ACACB: variants seen among roughly 807,000 people sequenced by gnomAD.
The protein encoded by ACACB is acetyl-CoA carboxylase 2.
In ACACB, 209 loss-of-function variants were observed where a neutral mutation model predicts 278.8. The observed-to-expected ratio is 0.75, with a 90% confidence interval of 0.67 to 0.84. The LOEUF (loss-of-function observed/expected upper bound fraction) is 0.84. Among genes scored for constraint, ACACB ranks in the 40% least tolerant of loss-of-function variants. ACACB has a pLI of 0.00. For synonymous variants in ACACB, 1,174 were observed against 1,285.6 expected, an observed-to-expected ratio of 0.91 and a Z score of 1.86; for missense variants, 2,850 against 3,269.0, an observed-to-expected ratio of 0.87 and a Z score of 3.13.
Position 109,222,920 on chromosome 12 carries a change from C to G in ACACB, c.3792+8C>G, listed in dbSNP as rs372216302. The G allele has an allele frequency of 2.7e-5, 43 of 1,588,036 alleles. No individual in the cohort carries two copies. The African/African-American group carries it at 5.8e-4, about 21-fold the overall frequency. On this transcript the variant is annotated splice_region_variant and intron_variant, in intron 26 of 52. Transcript: ENST00000338432. ...TGCCCCGAGAACCTCAAGGTGAGCC[C>G]GTCTCCTTCCTTTCACCATCTGCAG...
intron 27 of ACACB, among the ~76,000 whole-genome samples, chr12:109,225,251 C>A (rs1233958829): frequency 6.6e-6 from 1 of 152,152 alleles, no homozygotes; most frequent in African/African-American, 2.4e-5. Context: ...CCTCACCCTC[C>A]CCAGTAGCTT....
Position 109,139,653 on chromosome 12 carries a change from A to G in ACACB, c.248A>G (p.Lys83Arg). The G allele has an allele frequency of 7.4e-6, 12 of 1,614,078 alleles. No individual in the cohort carries two copies. Among genetic ancestry groups the G allele is most frequent in the Non-Finnish European group, 1.0e-5 (12 of 1,179,974 alleles). ...GAGCCAGCCTCCCACAAAGGCCCCA[A>G]AGATGCCGGTCGGCGGAGAAACTCC... ...QAEPASHKGP[K>R]DAGRRRNSLP... The change falls in exon 2 of 53, where the codon AAA becomes AGA. Residue 83 changes from lysine (K) to arginine (R), a missense_variant. This residue lies in a region of ACACB where 2,265 missense variants were observed against 2,561.3 expected (regional missense o/e 0.88). Transcript: ENST00000338432.
intron 45 of ACACB, 89 bp from the exon 46 acceptor site, chr12:109,258,179 C>T (rs1027659054): frequency 1.2e-6 from 1 of 855,062 alleles, no homozygotes; most frequent in East Asian, 2.7e-5. Context: ...GAGCATTCTC[C>T]TCCACGTGCC....
In ACACB at chr12:109,172,628, G is replaced by C. The variant is rs977250500; in HGVS notation, c.1117+272G>C. ...AAAAGCTCAACATCACTGATCATTA[G>C]AGAAAGGCAAGTCAAAACCAGAGTG... On this transcript the variant is annotated intron_variant, in intron 6 of 52. Coordinates refer to ENST00000338432, the MANE Select transcript of ACACB (RefSeq NM_001093.4). 4.5e-4 allele frequency among the ~76,000 whole-genome samples: 68 copies of C among 152,338 alleles called. 1 individual carries two copies. Among genetic ancestry groups the C allele is most frequent in the African/African-American group, 1.6e-3 (68 of 41,574 alleles).
intron 19 of ACACB, among the ~76,000 whole-genome samples, chr12:109,206,231 C>A (rs542731321): frequency 1.4e-4 from 22 of 152,150 alleles, no homozygotes; most frequent in Admixed American, 5.9e-4. Context: ...GTCAAGAGAT[C>A]AAGACCATCC....
At chr12:109,174,040 T>C in intron 6 of ACACB, 92 bp from the exon 7 acceptor site, 2 of 1,051,820 alleles carry the variant, frequency 1.9e-6, no homozygotes, top group Admixed American at 4.5e-5. Context: ...GCTCCTTACC[T>C]GGCCCCACCA....
At chr12:109,188,454 C>A (rs2044750931) in intron 13 of ACACB, among the ~76,000 whole-genome samples, 1 of 145,916 alleles carries the variant, frequency 6.9e-6, no homozygotes, top group Admixed American at 6.9e-5. Flanking sequence ...TTCTTTCCTC[C>A]CTTCCTCCCT....
rs765734649 is a variant in ACACB, at chr12:109,137,659, C to CA, written c.-9-1725dup. 2.9e-3 allele frequency among the ~76,000 whole-genome samples: 337 copies of CA among 117,506 alleles called. 2 individuals carry two copies. The highest frequency in any genetic ancestry group is 4.4e-3 in the Middle Eastern group (1 of 228). The allele number at this position is 117,506 out of a possible 152,430, so 77.1% of individuals were successfully genotyped here. ...TGGGCGACAGGGTCAGATTCTGACT[C>CA]AAAAAAAAAAAAAGGATTTTTAGAT... On this transcript the variant is annotated intron_variant, in intron 1 of 52. Coordinates refer to ENST00000338432, the MANE Select transcript of ACACB (RefSeq NM_001093.4).
chr12:109,174,166 T>C lies in ACACB; in HGVS notation c.1152T>C (p.Asp384=), dbSNP rs775464929. The C allele has an allele frequency of 4.3e-6, 7 of 1,613,162 alleles. No individual in the cohort carries two copies. The East Asian group carries it at 1.6e-4, about 36-fold the overall frequency. ...PPSEAMWALG[D]KIASTVVAQT... ...GTGAGGCCATGTGGGCCTTAGGAGA[T>C]AAGATCGCCTCCACCGTTGTCGCCC... Residue 384 remains aspartate, a synonymous_variant, in exon 7 of 53, where the codon GAT becomes GAC. Transcript: ENST00000338432.
chr12:109,206,651 G>C (rs554641873), intron 19 of ACACB, 59 bp from the exon 20 acceptor site: 10 of 1,602,370 alleles, frequency 6.2e-6, no homozygotes, highest in Non-Finnish European at 8.5e-6. Flanking sequence ...CGTTCTGCCC[G>C]GTCCCATTTG....
intron 28 of ACACB, among the ~76,000 whole-genome samples, chr12:109,231,083 TG>T: frequency 6.6e-6 from 1 of 152,052 alleles, no homozygotes; most frequent in African/African-American, 2.4e-5. Flanking sequence ...TCAACACTTG[TG>T]TGTGTAGAGC....
intron 12 of ACACB, among the ~76,000 whole-genome samples, chr12:109,187,781 G>C (rs995986102): frequency 1.3e-5 from 2 of 151,890 alleles, no homozygotes; most frequent in African/African-American, 4.8e-5. Context: ...TTTTTTTACA[G>C]TTAAAAAAAA....
In ACACB at chr12:109,268,225, A is replaced by G. The variant is rs935103906; in HGVS notation, c.*1863A>G. ...GCAGAATAAACTATTTTTTGAAGGA[A>G]ACACTTTGGCCTTGACTTTATTATC... On this transcript the variant is annotated 3_prime_UTR_variant, in exon 53 of 53. Transcript: ENST00000338432. This position sits in a 1 kb window ranked among gnomAD's most constrained non-coding sequence, Gnocchi z 4.2. 2.0e-5 allele frequency: 3 copies of G among 152,198 alleles called. No homozygotes were observed. Among genetic ancestry groups the G allele is most frequent in the African/African-American group, 7.2e-5 (3 of 41,438 alleles). The allele number at this position is 152,198 out of a possible 1,614,324, so 9.4% of individuals were successfully genotyped here. A position where few individuals can be genotyped will look rare whatever the true frequency, so the allele number is the denominator to read the frequency against.
intron 24 of ACACB, among the ~76,000 whole-genome samples, chr12:109,220,217 T>A (rs754328669): frequency 6.6e-6 from 1 of 152,198 alleles, no homozygotes. Flanking sequence ...GCTAAAAATG[T>A]TGAACCAATT....
chr12:109,239,680 G>T (rs1027498139), intron 34 of ACACB, 150 bp from the exon 35 acceptor site: 7 of 883,880 alleles, frequency 7.9e-6, no homozygotes, highest in Non-Finnish European at 1.0e-5. Flanking sequence ...GCCTCTGAGA[G>T]GCAGGGCTCT....
chr12:109,238,196 G>A (rs1376978440), intron 34 of ACACB, among the ~76,000 whole-genome samples: 2 of 150,966 alleles, frequency 1.3e-5, no homozygotes, highest in South Asian at 2.1e-4. Flanking sequence ...TAGAGTTGTA[G>A]GCATAAGTTG....
In ACACB at chr12:109,254,328, C is replaced by T; in HGVS notation, c.6160C>T (p.His2054Tyr). 1.2e-6 allele frequency: 2 copies of T among 1,610,050 alleles called. No homozygotes were observed. Among genetic ancestry groups the T allele is most frequent in the Non-Finnish European group, 1.7e-6 (2 of 1,179,426 alleles). The stretch of plus-strand genomic sequence containing the variant: ...CCGGTGGATGCTTGCAGGAAGGCCT[C>T]ACCCAAGTAAGTTCTAAAGTATTTT... ...DPRWMLAGRP[H>Y]PTLKGTWQSG... The change falls in exon 44 of 53, where the codon CAC becomes TAC. Residue 2054 changes from histidine to tyrosine, a missense_variant. Physicochemically the swap from His to Tyr is moderately conservative, Grantham distance 83. Coordinates refer to ENST00000338432, the MANE Select transcript of ACACB (RefSeq NM_001093.4).
chr12:109,120,064 T>A (rs1292386917), intron 1 of ACACB, among the ~76,000 whole-genome samples: 2 of 152,208 alleles, frequency 1.3e-5, no homozygotes, highest in African/African-American at 4.8e-5. Flanking sequence ...CTAGCTATTA[T>A]AGAATAATCA....
chr12:109,254,989 G>A (rs2047188243), intron 44 of ACACB, among the ~76,000 whole-genome samples: 1 of 151,942 alleles, frequency 6.6e-6, no homozygotes, highest in African/African-American at 2.4e-5. Flanking sequence ...TGGCCAGGCT[G>A]GTCTTGAACA....
Sources: allele counts gnomAD v4.1 joint callset (sites outside exome capture counted in the v4.1 genomes callset), GRCh38; gene constraint gnomAD v4.1.1; regional missense constraint gnomAD v4.1.1; non-coding constraint Gnocchi (gnomAD v3.1); transcripts MANE v1.5; gene names NCBI Gene and HGNC (gene_info 2026-07-23, HGNC 2026-07-21).